The following RSU1 variants were observed in gnomAD, a reference collection of about 807,000 sequenced individuals.
The protein encoded by RSU1 is Ras suppressor protein 1.
A neutral mutation model predicts 31.1 loss-of-function variants in RSU1; 26 were observed. The ratio of observed to expected loss-of-function variants is 0.84; its 90% CI spans 0.61 to 1.16. The LOEUF is 1.16. Ranked by LOEUF, RSU1 falls within the 50% of genes most tolerant of loss-of-function variation. The probability of loss-of-function intolerance (pLI) is 0.00; values close to 1 mark genes in which losing one functional copy is unlikely to be tolerated. For synonymous variants in RSU1, 164 were observed against 136.3 expected, an observed-to-expected ratio of 1.20 and a Z score of -1.41; for missense variants, 320 against 339.1, an observed-to-expected ratio of 0.94 and a Z score of 0.44.
At position 16,803,792 on chromosome 10, in the gene RSU1, A is replaced by G. The variant is rs948457749; in HGVS notation, c.109+13181T>C. Among the ~76,000 whole-genome samples the G allele has an allele frequency of 2.2e-4, 34 of 152,338 alleles. 2 individuals carry two copies. Among genetic ancestry groups the G allele is most frequent in the Admixed American group, 1.3e-3 (20 of 15,292 alleles). ...GACATCAACACACACACAAAAATCA[A>G]TCTAGACAAAGACCTAACATCGTTC... On this transcript the variant is annotated intron_variant, in intron 2 of 8. Transcript: ENST00000345264.
intron 8 of RSU1, among the ~76,000 whole-genome samples, chr10:16,684,842 C>G (rs1054693759): frequency 2.6e-5 from 4 of 152,102 alleles, no homozygotes; most frequent in Admixed American, 2.0e-4. Flanking sequence ...TAACCTGTCA[C>G]AAAAAAACCC....
chr10:16,801,214 G>A (rs76199864), intron 2 of RSU1, among the ~76,000 whole-genome samples: 7,885 of 151,734 alleles, frequency 0.052, 246 homozygotes, highest in African/African-American at 0.094. Context: ...GACGCTAAAC[G>A]CTAAACAAAA....
intron 8 of RSU1, among the ~76,000 whole-genome samples, chr10:16,632,714 A>G (rs1403006769): frequency 2.0e-5 from 3 of 152,114 alleles, no homozygotes; most frequent in Admixed American, 2.0e-4. Flanking sequence ...CGAGATGGGC[A>G]TATCACTTGA....
chr10:16,602,678 G>A (rs1423433263), intron 8 of RSU1, among the ~76,000 whole-genome samples: 1 of 152,180 alleles, frequency 6.6e-6, no homozygotes, highest in African/African-American at 2.4e-5. Context: ...GTTTGCTCGT[G>A]TCATATGTAT....
chr10:16,757,812 G>A (rs1458439989), intron 4 of RSU1, among the ~76,000 whole-genome samples: 1 of 152,218 alleles, frequency 6.6e-6, no homozygotes, highest in Non-Finnish European at 1.5e-5. Context: ...GACCACACTA[G>A]GTGCTTCTGT....
intron 8 of RSU1, among the ~76,000 whole-genome samples, chr10:16,594,779 A>G (rs1588664798): frequency 7.0e-6 from 1 of 142,636 alleles, no homozygotes; most frequent in Admixed American, 7.0e-5. Context: ...TATATATCAT[A>G]TATATATATA....
intron 8 of RSU1, among the ~76,000 whole-genome samples, chr10:16,631,385 T>C (rs555362910): frequency 6.6e-5 from 10 of 152,084 alleles, no homozygotes; most frequent in African/African-American, 2.2e-4. Context: ...TCTCAGAGAG[T>C]GCGCTTGTCC....
chr10:16,628,420 C>T (rs893300937), intron 8 of RSU1, among the ~76,000 whole-genome samples: 2 of 152,164 alleles, frequency 1.3e-5, no homozygotes, highest in African/African-American at 2.4e-5. Flanking sequence ...CAATTTAAGT[C>T]GTGTACCTAA....
intron 2 of RSU1, among the ~76,000 whole-genome samples, chr10:16,785,778 T>C (rs989379745): frequency 6.6e-6 from 1 of 151,744 alleles, no homozygotes; most frequent in South Asian, 2.1e-4. Context: ...ATTTATCCCA[T>C]TGATAAGGAT....
At chr10:16,629,782 C>A (rs190235239) in intron 8 of RSU1, among the ~76,000 whole-genome samples, 66 of 152,254 alleles carry the variant, frequency 4.3e-4, no homozygotes, top group African/African-American at 1.5e-3. Context: ...GAGTGGTTCA[C>A]GTGTCTCTAA....
intron 8 of RSU1, among the ~76,000 whole-genome samples, chr10:16,643,678 T>C (rs1588690436): frequency 6.6e-6 from 1 of 152,288 alleles, no homozygotes; most frequent in Non-Finnish European, 1.5e-5. Flanking sequence ...AACTTTTCTG[T>C]GTCTCAGTTT....
chr10:16,806,438 T>C (rs546050343), intron 2 of RSU1, among the ~76,000 whole-genome samples: 13 of 152,326 alleles, frequency 8.5e-5, no homozygotes, highest in Admixed American at 7.8e-4. Flanking sequence ...CTACCACTTA[T>C]TGCCTGGGTG....
intron 7 of RSU1, among the ~76,000 whole-genome samples, chr10:16,734,693 G>C (rs142594030): frequency 2.0e-5 from 3 of 152,274 alleles, no homozygotes; most frequent in East Asian, 3.9e-4. Context: ...GGTGAACAAT[G>C]CAACAGTATC....
chr10:16,777,657 A>C (rs1837561974), intron 3 of RSU1, among the ~76,000 whole-genome samples: 2 of 152,214 alleles, frequency 1.3e-5, no homozygotes, highest in Admixed American at 6.5e-5. Context: ...GGTTGTCCCC[A>C]AAAGAAACTC....
intron 2 of RSU1, among the ~76,000 whole-genome samples, chr10:16,812,369 G>T (rs1015487248): frequency 6.6e-6 from 1 of 152,206 alleles, no homozygotes; most frequent in Non-Finnish European, 1.5e-5. Flanking sequence ...TTGAACCCAA[G>T]AGGTGGAGGC....
intron 8 of RSU1, among the ~76,000 whole-genome samples, chr10:16,606,422 G>A (rs567111725): frequency 6.6e-6 from 1 of 152,036 alleles, no homozygotes; most frequent in African/African-American, 2.4e-5. Context: ...AACTCACCAG[G>A]CCCAGCTAAA....
At chr10:16,631,617 G>A (rs1834250936) in intron 8 of RSU1, among the ~76,000 whole-genome samples, 1 of 152,198 alleles carries the variant, frequency 6.6e-6, no homozygotes, top group Non-Finnish European at 1.5e-5. Flanking sequence ...AGTGAAAAGT[G>A]TCACTCAATC....
At chr10:16,625,082 T>C (rs1834132508) in intron 8 of RSU1, among the ~76,000 whole-genome samples, 1 of 152,246 alleles carries the variant, frequency 6.6e-6, no homozygotes, top group East Asian at 1.9e-4. Context: ...ATTAGCTGCA[T>C]AGTATTTATT....
chr10:16,741,591 T>C (rs1018103160), intron 7 of RSU1, among the ~76,000 whole-genome samples: 17 of 152,124 alleles, frequency 1.1e-4, no homozygotes, highest in Non-Finnish European at 1.8e-4. Context: ...GAGGAGGTTA[T>C]TGACAGCGGC....
Sources: gnomAD v4.1 joint callset for allele counts (sites outside exome capture counted in the v4.1 genomes callset) on GRCh38, gnomAD v4.1.1 for gene constraint, MANE v1.5 for transcripts, NCBI Gene and HGNC (gene_info 2026-07-23, HGNC 2026-07-21) for gene names.